Variants in NTM observed in about 807,000 individuals in gnomAD.
NTM encodes IgLON family member 2.
A neutral mutation model predicts 42.1 loss-of-function variants in NTM; 13 were observed. The observed-to-expected ratio is 0.31, with a 90% confidence interval of 0.20 to 0.49. The LOEUF is 0.49. NTM is among the 20% of genes least tolerant of loss of function. The probability of loss-of-function intolerance (pLI) is 0.99; values close to 1 mark genes in which losing one functional copy is unlikely to be tolerated. For synonymous variants in NTM, 187 were observed against 179.2 expected, an observed-to-expected ratio of 1.04 and a Z score of -0.35; for missense variants, 373 against 452.8, an observed-to-expected ratio of 0.82 and a Z score of 1.60.
At chr11:131,690,103 G>A (rs1192590944) in intron 1 of NTM, among the ~76,000 whole-genome samples, 1 of 152,084 alleles carries the variant, frequency 6.6e-6, no homozygotes, top group Non-Finnish European at 1.5e-5. Context: ...TCACACGTCT[G>A]TCCCTGAGCT....
intron 1 of NTM, among the ~76,000 whole-genome samples, chr11:131,597,356 C>T (rs1186293488): frequency 6.6e-6 from 1 of 152,056 alleles, no homozygotes; most frequent in Non-Finnish European, 1.5e-5. Flanking sequence ...CTCCCCTTTC[C>T]CCCTCACCCT....
chr11:131,589,725 T>G (rs1296721876), intron 1 of NTM, among the ~76,000 whole-genome samples: 1 of 152,146 alleles, frequency 6.6e-6, no homozygotes, highest in Non-Finnish European at 1.5e-5. Context: ...CATACACACA[T>G]GCGCACACAC....
chr11:132,243,099 G>T (rs1193794738), intron 4 of NTM, among the ~76,000 whole-genome samples: 2 of 152,168 alleles, frequency 1.3e-5, no homozygotes, highest in Non-Finnish European at 2.9e-5. Context: ...AGGTCTAACA[G>T]CTTCTAATTT....
chr11:132,064,512 G>C (rs2081148169), intron 2 of NTM, among the ~76,000 whole-genome samples: 2 of 152,166 alleles, frequency 1.3e-5, no homozygotes, highest in African/African-American at 2.4e-5. Flanking sequence ...ATTGAGCAAA[G>C]ACACATTCAA....
At chr11:131,868,532 G>A (rs1190807803) in intron 1 of NTM, among the ~76,000 whole-genome samples, 1 of 152,250 alleles carries the variant, frequency 6.6e-6, no homozygotes, top group South Asian at 2.1e-4. Context: ...AATCAAACCC[G>A]GCTGTAGCCT....
At chr11:132,254,088 A>T (rs1449056126) in intron 4 of NTM, among the ~76,000 whole-genome samples, 1 of 152,114 alleles carries the variant, frequency 6.6e-6, no homozygotes, top group Non-Finnish European at 1.5e-5. Context: ...GTTGTTTGCT[A>T]TCCAGACTCT....
Position 132,241,303 on chromosome 11 carries a change from G to GT in NTM, c.526+29162dup, listed in dbSNP as rs144141905. Among the ~76,000 whole-genome samples the GT allele has an allele frequency of 9.5e-3, 1,444 of 152,226 alleles. 16 individuals carry two copies. The highest frequency in any genetic ancestry group is 0.032 in the African/African-American group (1,338 of 41,524). On this transcript the variant is annotated intron_variant, in intron 4 of 8. Transcript: ENST00000683400. ...CATATATAACAAATTTATATATAAT[G>GT]TTTTTTCCTTTTGGCATATAAAGCC...
chr11:131,428,543 G>A (rs2135891215), intron 1 of NTM, among the ~76,000 whole-genome samples: 1 of 152,038 alleles, frequency 6.6e-6, no homozygotes, highest in Middle Eastern at 3.4e-3. Flanking sequence ...ACCTCCTCGT[G>A]GTCACTCCCA....
intron 1 of NTM, among the ~76,000 whole-genome samples, chr11:131,477,905 A>G (rs1045428220): frequency 6.6e-6 from 1 of 151,096 alleles, no homozygotes; most frequent in Non-Finnish European, 1.5e-5. Context: ...GGTTCTGACA[A>G]TTGCTGTTCC....
intron 1 of NTM, among the ~76,000 whole-genome samples, chr11:131,514,915 A>G (rs925982031): frequency 4.6e-5 from 7 of 151,410 alleles, no homozygotes; most frequent in Non-Finnish European, 1.5e-5. Context: ...ATACACATAA[A>G]GAGAGAGGGA....
intron 1 of NTM, among the ~76,000 whole-genome samples, chr11:131,402,966 A>G (rs1340236794): frequency 1.3e-5 from 2 of 152,348 alleles, no homozygotes; most frequent in East Asian, 3.9e-4. Context: ...CATGTGGATG[A>G]CAAGCAGCTG....
At chr11:132,217,386 GTGTGTA>G (rs1294031175) in intron 4 of NTM, among the ~76,000 whole-genome samples, 31 of 150,500 alleles carry the variant, frequency 2.1e-4, no homozygotes, top group African/African-American at 5.9e-4. Context: ...GTGTGTGTGT[GTGTGTA>G]TGTGTATGTG....
At chr11:132,059,583 T>C (rs184016527) in intron 2 of NTM, among the ~76,000 whole-genome samples, 42 of 152,180 alleles carry the variant, frequency 2.8e-4, no homozygotes, top group Admixed American at 2.1e-3. Context: ...AGGTTAGCAG[T>C]CCTATAAATT....
intron 1 of NTM, among the ~76,000 whole-genome samples, chr11:131,400,421 T>G (rs1945010005): frequency 6.6e-6 from 1 of 152,176 alleles, no homozygotes; most frequent in African/African-American, 2.4e-5. Context: ...TGTCTCTAGT[T>G]TAAATTCCTG....
chr11:131,783,700 C>T lies in NTM; in HGVS notation c.83-127864C>T, dbSNP rs751678000. Among the ~76,000 whole-genome samples, 9 of 151,962 alleles carry T rather than the reference C, an allele frequency of 5.9e-5. No individual in the cohort carries two copies. In the South Asian group the frequency reaches 1.0e-3, roughly 18 times the overall value. ...TTATACAACTTCTAGAAAAAAAATA[C>T]GAGAAAATATGTGTTGGCCTTGAGT... On this transcript the variant is annotated intron_variant, in intron 1 of 8. Transcript: ENST00000683400.
chr11:131,417,468 T>G (rs1366296543), intron 1 of NTM, among the ~76,000 whole-genome samples: 1 of 152,122 alleles, frequency 6.6e-6, no homozygotes, highest in Non-Finnish European at 1.5e-5. Flanking sequence ...AGAGCAAACT[T>G]GAAGGCAGTG....
intron 1 of NTM, among the ~76,000 whole-genome samples, chr11:131,612,867 C>T (rs1565708274): frequency 6.6e-6 from 1 of 152,222 alleles, no homozygotes; most frequent in Non-Finnish European, 1.5e-5. Context: ...ACCCGGGTCC[C>T]TCTGTGGCCT....
At chr11:131,757,254 T>G in intron 1 of NTM, among the ~76,000 whole-genome samples, 1 of 152,234 alleles carries the variant, frequency 6.6e-6, no homozygotes, top group East Asian at 1.9e-4. Context: ...TTCTTCAGTC[T>G]TAGGCCTGAT....
intron 1 of NTM, among the ~76,000 whole-genome samples, chr11:131,433,254 A>G (rs1948838650): frequency 6.6e-6 from 1 of 152,222 alleles, no homozygotes; most frequent in Admixed American, 6.5e-5. Flanking sequence ...GTCAGTATTC[A>G]AATTATAAAT....
Sources: allele counts gnomAD v4.1 joint callset (sites outside exome capture counted in the v4.1 genomes callset), GRCh38; gene constraint gnomAD v4.1.1; transcripts MANE v1.5; gene names NCBI Gene and HGNC (gene_info 2026-07-23, HGNC 2026-07-21).